KCNH7: variants seen among roughly 807,000 people sequenced by gnomAD.
KCNH7 encodes voltage-gated inwardly rectifying potassium channel KCNH7.
Under a neutral mutation model 120.8 loss-of-function variants are expected in KCNH7, and 49 were observed. The ratio of observed to expected loss-of-function variants is 0.41; its 90% CI spans 0.32 to 0.51. The LOEUF (loss-of-function observed/expected upper bound fraction) is 0.51. Ranked by LOEUF, KCNH7 falls within the 20% of genes least tolerant of loss-of-function variation. KCNH7 has a pLI of 0.38. For synonymous variants in KCNH7, 547 were observed against 516.1 expected (o/e 1.06, Z -0.81); for missense variants, 1,097 against 1,446.6 (o/e 0.76, Z 3.92).
At chr2:162,527,857 T>G (rs1463558375) in intron 3 of KCNH7, 1 of 152,028 alleles carries the variant, frequency 6.6e-6, no homozygotes, top group Non-Finnish European at 1.5e-5. Flanking sequence ...TACATTTATT[T>G]TCACTTAAAA....
intron 2 of KCNH7, among the ~76,000 whole-genome samples, chr2:162,543,748 T>A (rs1423479422): frequency 2.6e-5 from 4 of 152,046 alleles, no homozygotes; most frequent in African/African-American, 4.8e-5. Flanking sequence ...AGATTCCTCA[T>A]CTATAAAATA....
chr2:162,812,362 C>A (rs1364614930), intron 2 of KCNH7, among the ~76,000 whole-genome samples: 2 of 151,916 alleles, frequency 1.3e-5, no homozygotes, highest in Non-Finnish European at 2.9e-5. Flanking sequence ...GCAGGGACAA[C>A]CAGGAGGCTA....
intron 6 of KCNH7, among the ~76,000 whole-genome samples, chr2:162,503,030 AT>A (rs1373556120): frequency 6.6e-6 from 1 of 152,214 alleles, no homozygotes; most frequent in East Asian, 1.9e-4. Context: ...GCATTCATTA[AT>A]TGGTCAAGCA....
At chr2:162,648,846 T>G (rs1439429780) in intron 2 of KCNH7, among the ~76,000 whole-genome samples, 2 of 152,132 alleles carry the variant, frequency 1.3e-5, no homozygotes, top group Non-Finnish European at 2.9e-5. Context: ...TACCTAAATT[T>G]TTCTGGGTGG....
chr2:162,675,482 T>C (rs1362645906), intron 2 of KCNH7, among the ~76,000 whole-genome samples: 1 of 151,516 alleles, frequency 6.6e-6, no homozygotes, highest in African/African-American at 2.4e-5. Flanking sequence ...TAAATGTATA[T>C]TAAAGAATAT....
chr2:162,836,582 C>T lies in KCNH7; in HGVS notation c.262G>A (p.Gly88Arg). The T allele has an allele frequency of 6.2e-7, 1 of 1,614,064 alleles. No homozygotes were observed. The highest frequency in any genetic ancestry group is 2.2e-5 in the East Asian group (1 of 44,870). Residue 88 changes from glycine (G) to arginine (R), a missense_variant, in exon 2 of 16, where the codon GGG (glycine) becomes AGG (arginine). Around this residue, in one of 8 missense-constraint regions of KCNH7, gnomAD observed 57 missense variants for 116.2 expected, o/e 0.49. Transcript: ENST00000332142. ...DIAQIAQALL[G>R]SEERKVEVTY... The stretch of plus-strand genomic sequence containing the variant: ...ACCTCCACTTTCCTCTCTTCTGACC[C>T]CAGCAATGCCTGGGCAATTTGGGCA...
intron 2 of KCNH7, among the ~76,000 whole-genome samples, chr2:162,625,297 T>C (rs1683512682): frequency 6.6e-6 from 1 of 151,866 alleles, no homozygotes; most frequent in South Asian, 2.1e-4. Flanking sequence ...TTGGGGCTTC[T>C]ACTTTTTAAT....
At chr2:162,752,988 G>C (rs1688645268) in intron 2 of KCNH7, among the ~76,000 whole-genome samples, 7 of 126,008 alleles carry the variant, frequency 5.6e-5, no homozygotes, top group Admixed American at 4.6e-4. Flanking sequence ...GAAAAGAAAA[G>C]AAAAGAAAAG....
chr2:162,583,880 T>C (rs1488386261), intron 2 of KCNH7, among the ~76,000 whole-genome samples: 2 of 152,128 alleles, frequency 1.3e-5, no homozygotes, highest in South Asian at 2.1e-4. Flanking sequence ...ATCACACCTA[T>C]ATGGGTCTAT....
At chr2:162,802,287 C>T (rs571532262) in intron 2 of KCNH7, among the ~76,000 whole-genome samples, 2 of 151,698 alleles carry the variant, frequency 1.3e-5, no homozygotes, top group Non-Finnish European at 3.0e-5. Context: ...TGGGAAAAAC[C>T]TAAGCTATTA....
chr2:162,476,628 C>T (rs1274103789), intron 6 of KCNH7, among the ~76,000 whole-genome samples: 3 of 152,106 alleles, frequency 2.0e-5, no homozygotes, highest in African/African-American at 7.2e-5. Context: ...CATTAGTATA[C>T]TTTACTAAAT....
intron 9 of KCNH7, among the ~76,000 whole-genome samples, chr2:162,406,914 C>T (rs1172698435): frequency 6.6e-6 from 1 of 151,918 alleles, no homozygotes; most frequent in African/African-American, 2.4e-5. Context: ...TCCTGTTTGG[C>T]AATTACATGT....
chr2:162,518,930 T>C (rs1442719404), intron 3 of KCNH7, among the ~76,000 whole-genome samples: 1 of 150,990 alleles, frequency 6.6e-6, no homozygotes, highest in Non-Finnish European at 1.5e-5. Flanking sequence ...ATGTTAAAAA[T>C]TAAAATATTA....
chr2:162,744,069 G>A (rs1158795076), intron 2 of KCNH7, among the ~76,000 whole-genome samples: 2 of 152,036 alleles, frequency 1.3e-5, no homozygotes, highest in Non-Finnish European at 2.9e-5. Flanking sequence ...TGAAAATGCT[G>A]ATGACCCAGA....
chr2:162,714,308 C>T (rs1370180467), intron 2 of KCNH7, among the ~76,000 whole-genome samples: 1 of 152,074 alleles, frequency 6.6e-6, no homozygotes, highest in African/African-American at 2.4e-5. Context: ...GCCACTAAGA[C>T]TCATATCAGT....
chr2:162,539,495 T>C (rs1692230921), intron 2 of KCNH7, among the ~76,000 whole-genome samples: 1 of 152,034 alleles, frequency 6.6e-6, no homozygotes, highest in Non-Finnish European at 1.5e-5. Flanking sequence ...CAGTTTTGCT[T>C]TTGGTAATAA....
At chr2:162,826,154 G>A (rs1001734142) in intron 2 of KCNH7, among the ~76,000 whole-genome samples, 4 of 152,066 alleles carry the variant, frequency 2.6e-5, no homozygotes, top group African/African-American at 9.7e-5. Flanking sequence ...AGAATTAAAT[G>A]TGCTGTGGGA....
intron 3 of KCNH7, among the ~76,000 whole-genome samples, chr2:162,526,784 C>A (rs537375140): frequency 7.0e-4 from 106 of 152,048 alleles, no homozygotes; most frequent in African/African-American, 2.4e-3. Context: ...GCGTCCTAAG[C>A]GGACATACAT....
At chr2:162,781,409 T>G (rs1683481430) in intron 2 of KCNH7, among the ~76,000 whole-genome samples, 1 of 152,152 alleles carries the variant, frequency 6.6e-6, no homozygotes, top group Non-Finnish European at 1.5e-5. Context: ...CATTTACATG[T>G]TTATTAAATC....
Sources: gnomAD v4.1 joint callset for allele counts (sites outside exome capture counted in the v4.1 genomes callset) on GRCh38, gnomAD v4.1.1 for gene constraint, gnomAD v4.1.1 regional missense constraint, MANE v1.5 for transcripts, NCBI Gene and HGNC (gene_info 2026-07-23, HGNC 2026-07-21) for gene names.